The following SLAIN2 variants were observed in gnomAD, a reference collection of about 807,000 sequenced individuals.
The protein encoded by SLAIN2 is SLAIN motif-containing protein 2.
SLAIN2 carries 31 observed loss-of-function variants against 56.6 expected under a neutral mutation model. The ratio of observed to expected loss-of-function variants is 0.55; its 90% CI spans 0.41 to 0.74. The LOEUF (loss-of-function observed/expected upper bound fraction) is 0.74, where lower values mean the gene tolerates loss of function less well. Ranked by LOEUF, SLAIN2 falls within the 30% of genes least tolerant of loss-of-function variation. The pLI, the probability that SLAIN2 is intolerant of heterozygous loss-of-function variation, is 0.00. For synonymous variants in SLAIN2, 317 were observed against 284.9 expected (o/e 1.11, Z -1.13); for missense variants, 777 against 754.2 (o/e 1.03, Z -0.35).
Position 48,386,328 on chromosome 4 carries a change from A to T in SLAIN2, c.1360+2544A>T, listed in dbSNP as rs539932492. Among the ~76,000 whole-genome samples, 6 of 152,290 alleles carry T rather than the reference A, an allele frequency of 3.9e-5. No individual in the cohort carries two copies. The South Asian group carries it at 1.2e-3, about 32-fold the overall frequency. The stretch of plus-strand genomic sequence containing the variant: ...AATTGAAGCTTTGAATGGCCAAATA[A>T]CCTATCTCTGATTATACAGCTTATA... On this transcript the variant is annotated intron_variant, in intron 6 of 7. Transcript: ENST00000264313.
chr4:48,378,821 T>G (rs554801979), intron 3 of SLAIN2, among the ~76,000 whole-genome samples: 2 of 152,296 alleles, frequency 1.3e-5, no homozygotes, highest in African/African-American at 2.4e-5. Flanking sequence ...CGTTCAGGCA[T>G]TATTTGAGCC....
Position 48,383,499 on chromosome 4 carries a change from T to G in SLAIN2, c.1223-148T>G, listed in dbSNP as rs1245706462. The G allele has an allele frequency of 5.3e-6, 4 of 759,032 alleles. No homozygotes were observed. The African/African-American group carries it at 7.1e-5, about 13-fold the overall frequency. The allele number at this position is 759,032 out of a possible 1,614,324, so 47.0% of individuals were successfully genotyped here. A position where few individuals can be genotyped will look rare whatever the true frequency, so the allele number is the denominator to read the frequency against. ...ACAGATCCTAGATCGAGTTGTTTGTTTTTTTTAATAAGACAAGTCCTTTGT... is the reference window on the plus strand; with the variant it reads ...ACAGATCCTAGATCGAGTTGTTTGTGTTTTTTAATAAGACAAGTCCTTTGT... On this transcript the variant is annotated intron_variant, in intron 5 of 7. Transcript: ENST00000264313.
At chr4:48,390,534 C>G (rs1261663107) in intron 6 of SLAIN2, among the ~76,000 whole-genome samples, 1 of 151,884 alleles carries the variant, frequency 6.6e-6, no homozygotes, top group Non-Finnish European at 1.5e-5. Context: ...TATCATGAAA[C>G]TAGTTATAGT....
chr4:48,386,229 A>G (rs1716096414), intron 6 of SLAIN2, among the ~76,000 whole-genome samples: 1 of 152,172 alleles, frequency 6.6e-6, no homozygotes, highest in Non-Finnish European at 1.5e-5. Flanking sequence ...CTGTATTTAG[A>G]TGCATAATCT....
intron 2 of SLAIN2, among the ~76,000 whole-genome samples, chr4:48,370,781 A>G (rs1333602771): frequency 2.0e-5 from 3 of 152,180 alleles, no homozygotes; most frequent in Non-Finnish European, 4.4e-5. Flanking sequence ...AGATGGATGC[A>G]TGATTAGTTT....
chr4:48,356,304 A>G (rs916513607), intron 1 of SLAIN2, among the ~76,000 whole-genome samples: 8 of 152,232 alleles, frequency 5.3e-5, no homozygotes, highest in African/African-American at 1.9e-4. Flanking sequence ...ACATATCCAT[A>G]CATATACCCA....
chr4:48,379,912 A>T, intron 4 of SLAIN2, 64 bp downstream of exon 4: 1 of 1,342,628 alleles, frequency 7.4e-7, no homozygotes. Context: ...TGTATATTAA[A>T]TATGTCTTAA....
intron 1 of SLAIN2, among the ~76,000 whole-genome samples, chr4:48,353,043 T>C (rs1715054767): frequency 6.6e-6 from 1 of 152,208 alleles, no homozygotes. Flanking sequence ...TTGCTCCTGC[T>C]TGCCTTCCAC....
At chr4:48,385,855 T>C (rs987288843) in intron 6 of SLAIN2, among the ~76,000 whole-genome samples, 1 of 152,074 alleles carries the variant, frequency 6.6e-6, no homozygotes, top group African/African-American at 2.4e-5. Context: ...CATGTTAAGC[T>C]GTTGTTACTT....
rs910725770 is a variant in SLAIN2 at position 48,425,214 on chromosome 4, A to G, written c.*3137A>G. The G allele has an allele frequency of 6.6e-5, 10 of 152,062 alleles. No individual in the cohort carries two copies. The highest frequency in any genetic ancestry group is 8.8e-5 in the Non-Finnish European group (6 of 67,966). The allele number at this position is 152,062 out of a possible 1,614,324, so 9.4% of individuals were successfully genotyped here. ...ATATTTTCTCTGTCAGAGTTATTTC[A>G]TATATGGATTTTACTTGAAGGAAAT... On this transcript the variant is annotated 3_prime_UTR_variant, in exon 8 of 8. Transcript: ENST00000264313.
chr4:48,351,423 C>T (rs1715006030), intron 1 of SLAIN2, among the ~76,000 whole-genome samples: 1 of 152,172 alleles, frequency 6.6e-6, no homozygotes, highest in African/African-American at 2.4e-5. Flanking sequence ...CTGCTCATTT[C>T]TCCTCTGAGT....
intron 1 of SLAIN2, among the ~76,000 whole-genome samples, chr4:48,362,732 C>CTT (rs397716685): frequency 0.24 from 28,315 of 116,246 alleles, 3,894 homozygotes; most frequent in Middle Eastern, 0.36. Context: ...TTTTAAATTT[C>CTT]TTTTTTTTTT....
intron 1 of SLAIN2, among the ~76,000 whole-genome samples, chr4:48,358,533 C>G (rs1715225765): frequency 6.6e-6 from 1 of 152,040 alleles, no homozygotes; most frequent in African/African-American, 2.4e-5. Context: ...TGAGGCTGGT[C>G]TCGAACTCCT....
intron 6 of SLAIN2, among the ~76,000 whole-genome samples, chr4:48,418,439 A>G (rs1717057667): frequency 6.6e-6 from 1 of 151,908 alleles, no homozygotes; most frequent in Non-Finnish European, 1.5e-5. Context: ...TCATCCTGTT[A>G]CTGTGGATTA....
At chr4:48,343,789 C>G (rs902265930) in intron 1 of SLAIN2, among the ~76,000 whole-genome samples, 3 of 152,108 alleles carry the variant, frequency 2.0e-5, no homozygotes, top group Admixed American at 6.5e-5. Flanking sequence ...GATGACATAC[C>G]TTTATTACCA....
chr4:48,413,213 G>A (rs1716911038), intron 6 of SLAIN2, among the ~76,000 whole-genome samples: 1 of 137,366 alleles, frequency 7.3e-6, no homozygotes, highest in Non-Finnish European at 1.6e-5. Flanking sequence ...GGGTGATAGA[G>A]CGAGACTCTG....
intron 2 of SLAIN2, among the ~76,000 whole-genome samples, chr4:48,370,513 T>C (rs1347716909): frequency 1.3e-5 from 2 of 152,254 alleles, no homozygotes; most frequent in African/African-American, 4.8e-5. Flanking sequence ...TGAAAGAGCC[T>C]AGCATGTTTT....
intron 4 of SLAIN2, among the ~76,000 whole-genome samples, chr4:48,380,100 C>T (rs996173682): frequency 6.6e-6 from 1 of 152,092 alleles, no homozygotes; most frequent in Non-Finnish European, 1.5e-5. Flanking sequence ...GCTTCTATGA[C>T]TGGTTTTTAT....
intron 1 of SLAIN2, among the ~76,000 whole-genome samples, chr4:48,365,435 A>G (rs1577716062): frequency 9.5e-6 from 1 of 105,536 alleles, no homozygotes; most frequent in South Asian, 3.7e-4. Flanking sequence ...ACAGAGCAAG[A>G]CTCCATCTCA....
Sources: gnomAD v4.1 joint callset for allele counts (sites outside exome capture counted in the v4.1 genomes callset) on GRCh38, gnomAD v4.1.1 for gene constraint, MANE v1.5 for transcripts, NCBI Gene and HGNC (gene_info 2026-07-23, HGNC 2026-07-21) for gene names.